Variants in CSMD1 observed in about 807,000 individuals in gnomAD.
The protein encoded by CSMD1 is CUB and sushi domain-containing protein 1.
In CSMD1, 213 loss-of-function variants were observed where a neutral mutation model predicts 417.5. The observed-to-expected ratio is 0.51, with a 90% CI of 0.46 to 0.57. The LOEUF (loss-of-function observed/expected upper bound fraction) is 0.57, where lower values mean the gene tolerates loss of function less well. Ranked by LOEUF, CSMD1 falls within the 20% of genes least tolerant of loss-of-function variation. CSMD1 has a pLI of 0.00. For missense variants in CSMD1, 6,923 were observed against 4,529.7 expected (o/e 1.53, Z -15.17); for synonymous variants, 2,862 against 1,736.8 (o/e 1.65, Z -16.11).
At chr8:3,702,049 A>G (rs1585099783) in intron 7 of CSMD1, 2 of 152,136 alleles carry the variant, frequency 1.3e-5, no homozygotes, top group Admixed American at 6.5e-5. Context: ...GTGAACGTTT[A>G]TGGTTAAATA....
intron 7 of CSMD1, among the ~76,000 whole-genome samples, chr8:3,643,650 G>A (rs889076550): frequency 4.2e-5 from 6 of 142,652 alleles, no homozygotes; most frequent in East Asian, 2.1e-4. Context: ...GCAGTGAGCC[G>A]AGATCGCGCC....
intron 1 of CSMD1, among the ~76,000 whole-genome samples, chr8:4,659,077 C>T (rs887752748): frequency 6.6e-6 from 1 of 151,930 alleles, no homozygotes; most frequent in Non-Finnish European, 1.5e-5. Flanking sequence ...GAGAACTTCA[C>T]AAATACATAC....
intron 37 of CSMD1, among the ~76,000 whole-genome samples, chr8:3,172,653 G>A (rs1010983456): frequency 1.3e-5 from 2 of 152,164 alleles, no homozygotes; most frequent in Non-Finnish European, 1.5e-5. Flanking sequence ...GACACTTAAG[G>A]GGGGCAGAGA....
intron 3 of CSMD1, among the ~76,000 whole-genome samples, chr8:4,337,145 A>C (rs1800220006): frequency 6.6e-6 from 1 of 151,968 alleles, no homozygotes; most frequent in African/African-American, 2.4e-5. Flanking sequence ...TTCTGCCCCC[A>C]CCTTCATTAC....
intron 5 of CSMD1, among the ~76,000 whole-genome samples, chr8:3,958,317 TCTC>T (rs796438738): frequency 0.025 from 393 of 15,968 alleles, 4 homozygotes; most frequent in African/African-American, 0.06. Flanking sequence ...TTTTAAACTC[TCTC>T]TTTTTTTTTT....
chr8:4,002,388 G>A lies in CSMD1; in HGVS notation c.611-4278C>T, dbSNP rs182652749. On this transcript the variant is annotated intron_variant, in intron 4 of 69. Transcript: ENST00000635120. ...AAACAGCAACATTTTAAACATAATA[G>A]CATTTGAAGAAGAGCTACCTAACTA... Among the ~76,000 whole-genome samples, 44 of 152,100 alleles carry A rather than the reference G, an allele frequency of 2.9e-4. 1 individual carries two copies. The highest frequency in any genetic ancestry group is 1.3e-4 in the Non-Finnish European group (9 of 68,022).
intron 2 of CSMD1, among the ~76,000 whole-genome samples, chr8:4,501,745 G>C (rs902053227): frequency 1.3e-5 from 2 of 152,166 alleles, no homozygotes; most frequent in Admixed American, 6.6e-5. Context: ...TCAGACTCAT[G>C]GTTGCAGTAG....
At chr8:4,829,019 G>A (rs1455863046) in intron 1 of CSMD1, among the ~76,000 whole-genome samples, 1 of 152,146 alleles carries the variant, frequency 6.6e-6, no homozygotes, top group African/African-American at 2.4e-5. Context: ...TATTATTAGA[G>A]ATACATTATG....
At chr8:4,172,322 T>C (rs1584954314) in intron 3 of CSMD1, among the ~76,000 whole-genome samples, 1 of 152,188 alleles carries the variant, frequency 6.6e-6, no homozygotes, top group South Asian at 2.1e-4. Context: ...GCTACCGAGA[T>C]ATGACTAGTG....
rs529690064 is a variant in CSMD1, at chr8:3,762,751, G to C, written c.819-8709C>G. Among the ~76,000 whole-genome samples the C allele has an allele frequency of 2.0e-5, 3 of 152,324 alleles. No individual in the cohort carries two copies. In the South Asian group the frequency reaches 6.2e-4, roughly 32 times the overall value. ...GGGAGCCAGGCCACAGCTCGGCTTG[G>C]TTTATTCCCAGAGAGAGAAAGAGTT... is the stretch of plus-strand genomic sequence containing the variant. On this transcript the variant is annotated intron_variant, in intron 5 of 69. Coordinates refer to ENST00000635120, the MANE Select transcript of CSMD1 (RefSeq NM_033225.6).
intron 26 of CSMD1, among the ~76,000 whole-genome samples, chr8:3,260,169 A>C (rs556483987): frequency 1.2e-4 from 19 of 152,290 alleles, no homozygotes; most frequent in African/African-American, 3.6e-4. Flanking sequence ...GAGTTAAGCA[A>C]ATTGAAAAAG....
intron 5 of CSMD1, among the ~76,000 whole-genome samples, chr8:3,835,291 C>G (rs1802615850): frequency 6.6e-6 from 1 of 152,036 alleles, no homozygotes; most frequent in Non-Finnish European, 1.5e-5. Flanking sequence ...CGGCACTATT[C>G]ACAATAGCAA....
rs545189755 is a variant in CSMD1, at chr8:3,321,045, A to G, written c.3632-12542T>C. ...CTTTTGTATTTCCCAGTTCATCTGA[A>G]AGACACGCAACTCTCAATCTCTTCC... On this transcript the variant is annotated intron_variant, in intron 23 of 69. Transcript: ENST00000635120. 2.8e-4 allele frequency among the ~76,000 whole-genome samples: 42 copies of G among 152,248 alleles called. 2 individuals are homozygous for G. The highest frequency in any genetic ancestry group is 2.6e-3 in the Admixed American group (40 of 15,294).
intron 28 of CSMD1, among the ~76,000 whole-genome samples, chr8:3,219,851 T>C (rs569158517): frequency 6.6e-6 from 1 of 152,186 alleles, no homozygotes; most frequent in Non-Finnish European, 1.5e-5. Context: ...TTGAAAATAC[T>C]GGAATTTTGA....
intron 1 of CSMD1, among the ~76,000 whole-genome samples, chr8:4,914,741 C>G (rs10095923): frequency 0.87 from 132,180 of 152,184 alleles, 57,586 homozygotes; most frequent in African/African-American, 0.93. Context: ...ACTTAAGAGG[C>G]TAATGTGTTT....
chr8:3,045,781 T>C (rs1811395906), intron 50 of CSMD1, among the ~76,000 whole-genome samples: 1 of 152,224 alleles, frequency 6.6e-6, no homozygotes, highest in Non-Finnish European at 1.5e-5. Flanking sequence ...ACTTACTGTA[T>C]CCATGACCTT....
At chr8:4,706,254 G>A (rs1159727962) in intron 1 of CSMD1, among the ~76,000 whole-genome samples, 4 of 151,636 alleles carry the variant, frequency 2.6e-5, no homozygotes, top group African/African-American at 9.7e-5. Context: ...CAACATATCT[G>A]ACCTAAAATT....
intron 3 of CSMD1, among the ~76,000 whole-genome samples, chr8:4,123,577 G>A (rs1275547664): frequency 6.6e-6 from 1 of 152,086 alleles, no homozygotes; most frequent in Non-Finnish European, 1.5e-5. Context: ...GAAATTCAAC[G>A]TTAATTTCTA....
chr8:3,388,546 C>T (rs1309444187), intron 17 of CSMD1, among the ~76,000 whole-genome samples: 1 of 152,112 alleles, frequency 6.6e-6, no homozygotes, highest in Non-Finnish European at 1.5e-5. Flanking sequence ...AAAAATATTT[C>T]TAATTTAAAG....
Sources: gnomAD v4.1 joint callset for allele counts (sites outside exome capture counted in the v4.1 genomes callset) on GRCh38, gnomAD v4.1.1 for gene constraint, MANE v1.5 for transcripts, NCBI Gene and HGNC (gene_info 2026-07-23, HGNC 2026-07-21) for gene names.